The following ADCK1 variants were observed in gnomAD, a reference collection of about 807,000 sequenced individuals.
ADCK1 encodes the protein aarF domain containing kinase 1.
A neutral mutation model predicts 52.3 loss-of-function variants in ADCK1; 41 were observed. The ratio of observed to expected loss-of-function variants is 0.78; its 90% CI spans 0.61 to 1.02. The LOEUF is 1.02. Among genes scored for constraint, ADCK1 ranks in the 50% least tolerant of loss-of-function variants. The pLI is 0.00. For missense variants in ADCK1, 658 were observed against 679.5 expected (o/e 0.97, Z 0.35); for synonymous variants, 250 against 274.6 (o/e 0.91, Z 0.89).
Position 77,931,659 on chromosome 14 carries a change from A to G in ADCK1, c.1348A>G (p.Ser450Gly). 6.2e-7 allele frequency: 1 copy of G among 1,610,046 alleles called. No individual in the cohort carries two copies. Among genetic ancestry groups the G allele is most frequent in the Non-Finnish European group, 8.5e-7 (1 of 1,180,002 alleles). Reference sequence around the variant, plus strand: ...TGAGGCCGCCCTGGGCACCCGCGCCAGCGCCAGCTCCTTTCTCAACATGTC... The same window carrying G: ...TGAGGCCGCCCTGGGCACCCGCGCCGGCGCCAGCTCCTTTCTCAACATGTC... ...GIEAALGTRA[S>G]ASSFLNMSRC... The change falls in exon 10 of 11, where the codon AGC becomes GGC. Residue 450 changes from serine (S) to glycine (G), a missense_variant. Physicochemically the swap from Ser to Gly is moderately conservative, Grantham distance 56. Coordinates refer to ENST00000238561, the MANE Select transcript of ADCK1 (RefSeq NM_020421.4).
In ADCK1 at chr14:77,859,278, AGG is replaced by A; in HGVS notation, c.423_423+1del. On this transcript the variant is annotated splice_donor_variant and coding_sequence_variant, in exon 4 of 11. Transcript: ENST00000238561. LOFTEE classifies it high-confidence loss of function. Reference sequence around the variant, plus strand: ...GTCATCCGAGAAGATCTGGGCAAGGAGGTACCCACCTTTGCAGGGGGGATGGG... The same window carrying A: ...GTCATCCGAGAAGATCTGGGCAAGGATACCCACCTTTGCAGGGGGGATGGG... 1 of 1,612,964 alleles carries A rather than the reference AGG, an allele frequency of 6.2e-7. No homozygotes were observed. The highest frequency in any genetic ancestry group is 1.7e-5 in the Admixed American group (1 of 59,934).
intron 6 of ADCK1, among the ~76,000 whole-genome samples, chr14:77,905,303 G>GTTTTTTTTTTTTTTTTTTTTTTTT (rs1566722295): frequency 1.5e-5 from 1 of 65,340 alleles, no homozygotes; most frequent in African/African-American, 7.1e-5. Context: ...TTTCCTAGCT[G>GTTTTTTTTTTTTTTTTTTTTTTTT]GTTTTTTTTT....
chr14:77,811,982 A>G (rs1354343572), intron 1 of ADCK1, among the ~76,000 whole-genome samples: 1 of 152,224 alleles, frequency 6.6e-6, no homozygotes, highest in Non-Finnish European at 1.5e-5. Context: ...CTTTTAATTT[A>G]TTATTTTCCA....
chr14:77,816,310 G>A lies in ADCK1; in HGVS notation c.-11-2658G>A, dbSNP rs190287394. Among the ~76,000 whole-genome samples the A allele has an allele frequency of 8.2e-4, 125 of 152,262 alleles. No homozygotes were observed. In the Middle Eastern group the frequency reaches 0.017, roughly 21 times the overall value. On this transcript the variant is annotated intron_variant, in intron 1 of 10. Transcript: ENST00000238561. ...TCATAACTCCCACAGCCCTTGTTAC[G>A]GTTTTTTTTGGTGTGTGTTAGGCCT... is the stretch of plus-strand genomic sequence containing the variant.
intron 3 of ADCK1, among the ~76,000 whole-genome samples, chr14:77,842,864 TTTTTCTTTTC>T (rs374756972): frequency 8.9e-5 from 13 of 146,872 alleles, no homozygotes; most frequent in African/African-American, 1.8e-4. Context: ...GTATTTTTTC[TTTTTCTTTTC>T]TTTTCTTTTC....
At position 77,877,691 on chromosome 14, in the gene ADCK1, A is replaced by G. The variant is rs939185840; in HGVS notation, c.424-9400A>G. On this transcript the variant is annotated intron_variant, in intron 4 of 10. Coordinates refer to ENST00000238561, the MANE Select transcript of ADCK1 (RefSeq NM_020421.4). ...TTCCCTTTGCCTGGAAGGCTTCTCT[A>G]CCTCCTGGGTTCAAACGATTCTCCT... Among the ~76,000 whole-genome samples the G allele has an allele frequency of 1.3e-5, 2 of 151,930 alleles. 1 individual carries two copies. Among genetic ancestry groups the G allele is most frequent in the South Asian group, 4.2e-4 (2 of 4,792 alleles).
At chr14:77,828,908 T>C (rs1188707647) in intron 3 of ADCK1, among the ~76,000 whole-genome samples, 2 of 151,434 alleles carry the variant, frequency 1.3e-5, no homozygotes, top group African/African-American at 4.8e-5. Context: ...ATCCAGACAA[T>C]ACTTTTCCTT....
rs77795864 is a variant in ADCK1 at position 77,873,023 on chromosome 14, A to T, written c.423+13744A>T. On this transcript the variant is annotated intron_variant, in intron 4 of 10. Transcript: ENST00000238561. ...TTTAATGTTTATTTTAATAGTTTTT[A>T]GAGTACAGGTGGTTTTTGGTTACAT... Among the ~76,000 whole-genome samples, 863 of 152,176 alleles carry T rather than the reference A, an allele frequency of 5.7e-3. 7 individuals carry two copies. The highest frequency in any genetic ancestry group is 0.019 in the African/African-American group (809 of 41,514).
rs2081527819 is a variant in ADCK1 at position 77,819,130 on chromosome 14, TG to T, written c.135+22del. ...GTTGCTACGGTAGGTTTTTCCCTTT[TG>T]GGGGTAGCAGAGAAGCTGCAGGATT... On this transcript the variant is annotated intron_variant, in intron 2 of 10. Transcript: ENST00000238561. The T allele has an allele frequency of 1.9e-6, 3 of 1,613,308 alleles. No individual in the cohort carries two copies. In the East Asian group the frequency reaches 6.7e-5, roughly 36 times the overall value.
intron 1 of ADCK1, among the ~76,000 whole-genome samples, chr14:77,817,724 A>G (rs1261822282): frequency 6.6e-6 from 1 of 151,810 alleles, no homozygotes; most frequent in Non-Finnish European, 1.5e-5. Flanking sequence ...TCCATTCAAG[A>G]CAAGGGGTAG....
rs566067719 is a variant in ADCK1, at chr14:77,882,968, G to A, written c.424-4123G>A. Among the ~76,000 whole-genome samples, 13 of 77,898 alleles carry A rather than the reference G, an allele frequency of 1.7e-4. No homozygotes were observed. In the South Asian group the frequency reaches 2.2e-3, roughly 13 times the overall value. 51.1% of individuals were successfully genotyped at this position (77,898 alleles called of 152,430 possible). A position where few individuals can be genotyped will look rare whatever the true frequency, so the allele number is the denominator to read the frequency against. ...TTTTTCTTACACCACCCCCCCCCCCGTGCTTTTTTGCTCATTAAATGACAA... is the reference window on the plus strand; with the variant it reads ...TTTTTCTTACACCACCCCCCCCCCCATGCTTTTTTGCTCATTAAATGACAA... On this transcript the variant is annotated intron_variant, in intron 4 of 10. Coordinates refer to ENST00000238561, the MANE Select transcript of ADCK1 (RefSeq NM_020421.4).
At chr14:77,838,226 C>G (rs1163581171) in intron 3 of ADCK1, among the ~76,000 whole-genome samples, 1 of 152,112 alleles carries the variant, frequency 6.6e-6, no homozygotes, top group Non-Finnish European at 1.5e-5. Context: ...CCTGTAGAAC[C>G]GTGAGACATA....
intron 4 of ADCK1, among the ~76,000 whole-genome samples, chr14:77,877,331 C>T (rs75463403): frequency 0.037 from 5,707 of 152,324 alleles, 150 homozygotes; most frequent in South Asian, 0.066. Flanking sequence ...AAGCCCAGGA[C>T]GTCTGTCCTG....
chr14:77,842,892 CTTT>C (rs113174346), intron 3 of ADCK1, among the ~76,000 whole-genome samples: 2 of 122,654 alleles, frequency 1.6e-5, no homozygotes, highest in Admixed American at 8.3e-5. Flanking sequence ...TTCTTTCTTT[CTTT>C]TTTTTTTTTT....
chr14:77,917,986 A>G (rs545517805), intron 7 of ADCK1, among the ~76,000 whole-genome samples: 1 of 152,292 alleles, frequency 6.6e-6, no homozygotes, highest in East Asian at 1.9e-4. Flanking sequence ...CTAACTGCCG[A>G]CCAAGTGACC....
chr14:77,846,085 T>G (rs575005052), intron 3 of ADCK1, among the ~76,000 whole-genome samples: 1 of 152,286 alleles, frequency 6.6e-6, no homozygotes, highest in Admixed American at 6.5e-5. Flanking sequence ...AAGAACCAGC[T>G]GCCACATGGG....
chr14:77,924,707 C>T, intron 8 of ADCK1, 101 bp downstream of exon 8: 2 of 1,462,374 alleles, frequency 1.4e-6, no homozygotes, highest in South Asian at 2.6e-5. Context: ...GCGAGGGTAG[C>T]TGGAAAGGAC....
chr14:77,852,699 A>ATATAT, intron 3 of ADCK1, among the ~76,000 whole-genome samples: 1 of 84,730 alleles, frequency 1.2e-5, no homozygotes, highest in Non-Finnish European at 2.3e-5. Context: ...ATATATATAT[A>ATATAT]TATATTTCAC....
chr14:77,897,049 C>T (rs1442455617), intron 5 of ADCK1, among the ~76,000 whole-genome samples: 1 of 152,170 alleles, frequency 6.6e-6, no homozygotes, highest in Non-Finnish European at 1.5e-5. Context: ...CAAAAAGAAG[C>T]ATGAGACAAG....
Sources: allele counts gnomAD v4.1 joint callset (sites outside exome capture counted in the v4.1 genomes callset), GRCh38; gene constraint gnomAD v4.1.1; transcripts MANE v1.5; gene names NCBI Gene and HGNC (gene_info 2026-07-23, HGNC 2026-07-21).